EFNA5: variants seen among roughly 807,000 people sequenced by gnomAD.
EFNA5 encodes ephrin-A5.
EFNA5 carries 5 observed loss-of-function variants against 22.9 expected under a neutral mutation model. That is an observed-to-expected ratio of 0.22 (90% CI 0.11 to 0.46). EFNA5 has a LOEUF of 0.46. Ranked by LOEUF, EFNA5 falls within the 20% of genes least tolerant of loss-of-function variation. EFNA5 has a pLI of 0.99. For missense variants in EFNA5, 237 were observed against 293.3 expected (o/e 0.81, Z 1.40); for synonymous variants, 113 against 112.2 (o/e 1.01, Z -0.04).
At chr5:107,466,271 T>C (rs996817008) in intron 1 of EFNA5, among the ~76,000 whole-genome samples, 1 of 152,158 alleles carries the variant, frequency 6.6e-6, no homozygotes, top group Non-Finnish European at 1.5e-5. Context: ...TAAGCCATGA[T>C]GTGTCAAAGG....
chr5:107,512,627 AAC>A (rs944294230), intron 1 of EFNA5, among the ~76,000 whole-genome samples: 1 of 152,124 alleles, frequency 6.6e-6, no homozygotes, highest in African/African-American at 2.4e-5. Context: ...GCCAGAGCCA[AAC>A]ACACACCATG....
At chr5:107,442,737 A>C (rs1259631650) in intron 1 of EFNA5, among the ~76,000 whole-genome samples, 1 of 152,126 alleles carries the variant, frequency 6.6e-6, no homozygotes, top group Non-Finnish European at 1.5e-5. Context: ...CTCTATTTTT[A>C]AAATAAGCAA....
intron 1 of EFNA5, among the ~76,000 whole-genome samples, chr5:107,634,812 C>T (rs1750337457): frequency 8.9e-6 from 1 of 112,598 alleles, no homozygotes; most frequent in South Asian, 2.7e-4. Flanking sequence ...TGCAAGATTT[C>T]TAATGTTTAA....
chr5:107,597,587 A>G (rs951169154), intron 1 of EFNA5, among the ~76,000 whole-genome samples: 1 of 152,144 alleles, frequency 6.6e-6, no homozygotes, highest in Non-Finnish European at 1.5e-5. Context: ...TTGGCTAGAG[A>G]AAGGGGGGAG....
At chr5:107,454,266 C>T (rs1403883204) in intron 1 of EFNA5, among the ~76,000 whole-genome samples, 1 of 152,068 alleles carries the variant, frequency 6.6e-6, no homozygotes, top group Non-Finnish European at 1.5e-5. Flanking sequence ...TTAAACTCAA[C>T]AAGACATCGT....
At chr5:107,464,468 G>T (rs1365454025) in intron 1 of EFNA5, among the ~76,000 whole-genome samples, 1 of 152,118 alleles carries the variant, frequency 6.6e-6, no homozygotes, top group Non-Finnish European at 1.5e-5. Flanking sequence ...ACATCCTCGG[G>T]GAGCAAAGGG....
intron 1 of EFNA5, among the ~76,000 whole-genome samples, chr5:107,593,095 G>GT (rs1280819089): frequency 9.5e-4 from 144 of 152,332 alleles, no homozygotes; most frequent in Admixed American, 9.3e-3. Flanking sequence ...CAGTTCTTAT[G>GT]TAACTGTTTG....
At chr5:107,557,569 G>A (rs1226013892) in intron 1 of EFNA5, among the ~76,000 whole-genome samples, 1 of 152,186 alleles carries the variant, frequency 6.6e-6, no homozygotes, top group Non-Finnish European at 1.5e-5. Context: ...GACATATACA[G>A]AAGTGAATTC....
intron 1 of EFNA5, among the ~76,000 whole-genome samples, chr5:107,517,628 A>C (rs1747509520): frequency 6.6e-6 from 1 of 152,242 alleles, no homozygotes; most frequent in Non-Finnish European, 1.5e-5. Flanking sequence ...AATCACTGGG[A>C]AACAACGTCA....
chr5:107,444,279 A>C (rs1749336928), intron 1 of EFNA5, among the ~76,000 whole-genome samples: 1 of 152,220 alleles, frequency 6.6e-6, no homozygotes, highest in African/African-American at 2.4e-5. Context: ...ATCTTTTCCT[A>C]TTAGAGTGCT....
intron 1 of EFNA5, among the ~76,000 whole-genome samples, chr5:107,546,134 G>C (rs1748148046): frequency 6.6e-6 from 1 of 152,146 alleles, no homozygotes; most frequent in Admixed American, 6.5e-5. Flanking sequence ...TTCAAATACA[G>C]AAGTGAGAAG....
In EFNA5 at chr5:107,647,547, G is replaced by A. The variant is rs537462607; in HGVS notation, c.125+22942C>T. ...GATTACAGAATTATAAAATAATGGA[G>A]AGGAATAAAATAGATTCCACAAAAG... On this transcript the variant is annotated intron_variant, in intron 1 of 4. Coordinates refer to ENST00000333274, the MANE Select transcript of EFNA5 (RefSeq NM_001962.3). Among the ~76,000 whole-genome samples the A allele has an allele frequency of 2.0e-5, 3 of 152,154 alleles. No individual in the cohort carries two copies. The East Asian group carries it at 5.8e-4, about 29-fold the overall frequency.
At chr5:107,476,735 TTCTCTCTCTC>T (rs34563371) in intron 1 of EFNA5, among the ~76,000 whole-genome samples, 2 of 148,122 alleles carry the variant, frequency 1.4e-5, no homozygotes, top group Non-Finnish European at 3.0e-5. Context: ...TTTTTTCTCT[TTCTCTCTCTC>T]TCTCTCTCTC....
intron 2 of EFNA5, among the ~76,000 whole-genome samples, chr5:107,409,461 A>G (rs914127650): frequency 3.3e-5 from 5 of 152,188 alleles, no homozygotes; most frequent in Non-Finnish European, 7.3e-5. Flanking sequence ...CCAGACGAGA[A>G]ACTACTGAGT....
chr5:107,503,490 C>T (rs560366633), intron 1 of EFNA5, among the ~76,000 whole-genome samples: 3 of 152,272 alleles, frequency 2.0e-5, no homozygotes, highest in Non-Finnish European at 2.9e-5. Context: ...TTCAATCATT[C>T]GTTGCTCAGA....
chr5:107,471,175 G>A (rs552482458), intron 1 of EFNA5, among the ~76,000 whole-genome samples: 13 of 151,896 alleles, frequency 8.6e-5, no homozygotes, highest in African/African-American at 9.7e-5. Context: ...TTGGTCCTTC[G>A]CACTCCCCAT....
At chr5:107,646,349 A>C (rs1750634177) in intron 1 of EFNA5, among the ~76,000 whole-genome samples, 1 of 152,166 alleles carries the variant, frequency 6.6e-6, no homozygotes, top group Non-Finnish European at 1.5e-5. Context: ...TCTTATATAC[A>C]AAATATTTTT....
intron 1 of EFNA5, among the ~76,000 whole-genome samples, chr5:107,655,356 A>C (rs895592159): frequency 1.3e-5 from 2 of 152,158 alleles, no homozygotes; most frequent in Non-Finnish European, 2.9e-5. Flanking sequence ...ATGATATAAG[A>C]GCAACAAAGG....
chr5:107,504,404 A>T (rs532008918), intron 1 of EFNA5, among the ~76,000 whole-genome samples: 27 of 152,278 alleles, frequency 1.8e-4, no homozygotes, highest in African/African-American at 4.3e-4. Context: ...TATATATATA[A>T]AAAAGAACTA....
Sources: gnomAD v4.1 joint callset for allele counts (sites outside exome capture counted in the v4.1 genomes callset) on GRCh38, gnomAD v4.1.1 for gene constraint, MANE v1.5 for transcripts, NCBI Gene and HGNC (gene_info 2026-07-23, HGNC 2026-07-21) for gene names.